PTPRD: variants seen among roughly 807,000 people sequenced by gnomAD.
PTPRD encodes the protein receptor-type tyrosine-protein phosphatase delta.
A neutral mutation model predicts 214.5 loss-of-function variants in PTPRD; 34 were observed. The observed-to-expected ratio is 0.16, with a 90% CI of 0.12 to 0.21. The LOEUF (loss-of-function observed/expected upper bound fraction) is 0.21, where lower values mean the gene tolerates loss of function less well. Among genes scored for constraint, PTPRD ranks in the 10% least tolerant of loss-of-function variants. The pLI, the probability that PTPRD is intolerant of heterozygous loss-of-function variation, is 1.00. For synonymous variants in PTPRD, 1,128 were observed against 845.7 expected (o/e 1.33, Z -5.79); for missense variants, 2,545 against 2,398.7 (o/e 1.06, Z -1.27).
chr9:8,867,089 A>G (rs1024723056), intron 11 of PTPRD, among the ~76,000 whole-genome samples: 1 of 152,172 alleles, frequency 6.6e-6, no homozygotes, highest in Non-Finnish European at 1.5e-5. Flanking sequence ...TGGGAAGGGA[A>G]CAAAAAAATT....
At chr9:10,087,572 A>G (rs1422855028) in intron 3 of PTPRD, among the ~76,000 whole-genome samples, 59 of 151,810 alleles carry the variant, frequency 3.9e-4, no homozygotes, top group Non-Finnish European at 3.5e-4. Flanking sequence ...GGTAACACTA[A>G]GAGACTAATA....
intron 32 of PTPRD, among the ~76,000 whole-genome samples, chr9:8,464,622 G>A (rs1355644562): frequency 2.0e-5 from 3 of 151,730 alleles, no homozygotes; most frequent in Non-Finnish European, 4.4e-5. Context: ...TTTAGACACC[G>A]ATTAGAAAAC....
At position 8,698,456 on chromosome 9, in the gene PTPRD, C is replaced by A. The variant is rs148906576; in HGVS notation, c.64+35324G>T. ...TGTAGCAAGTGTATCTCCTATGATT[C>A]ATGTTACAAATGTAAAGGTGGTGTA... On this transcript the variant is annotated intron_variant, in intron 12 of 45. Transcript: ENST00000381196. Among the ~76,000 whole-genome samples, 377 of 152,292 alleles carry A rather than the reference C, an allele frequency of 2.5e-3. 5 individuals are homozygous for A. Among genetic ancestry groups the A allele is most frequent in the African/African-American group, 8.7e-3 (361 of 41,572 alleles).
intron 12 of PTPRD, among the ~76,000 whole-genome samples, chr9:8,714,559 C>G (rs563964085): frequency 4.6e-5 from 7 of 152,226 alleles, no homozygotes; most frequent in African/African-American, 1.7e-4. Context: ...TCTCCTAATC[C>G]TTTACATTTT....
chr9:8,744,125 T>TA (rs2092481631), intron 11 of PTPRD, among the ~76,000 whole-genome samples: 2 of 152,062 alleles, frequency 1.3e-5, no homozygotes, highest in African/African-American at 2.4e-5. Context: ...ACAATGGTCA[T>TA]AATCGAAAAA....
chr9:10,348,313 A>T (rs1247047942), intron 2 of PTPRD, among the ~76,000 whole-genome samples: 1 of 152,160 alleles, frequency 6.6e-6, no homozygotes, highest in African/African-American at 2.4e-5. Context: ...CTCAATATGA[A>T]ATGTTGTTAT....
chr9:10,559,194 G>C (rs527289752), intron 2 of PTPRD, among the ~76,000 whole-genome samples: 17 of 152,150 alleles, frequency 1.1e-4, no homozygotes, highest in Admixed American at 1.1e-3. Flanking sequence ...AGGATCTGAT[G>C]GAAAAACCTA....
At chr9:8,646,525 G>A (rs563847542) in intron 12 of PTPRD, among the ~76,000 whole-genome samples, 33 of 152,014 alleles carry the variant, frequency 2.2e-4, no homozygotes, top group African/African-American at 7.7e-4. Context: ...CTCAGTACAG[G>A]CTGTTCCCTC....
chr9:9,356,849 C>T (rs1250283601), intron 9 of PTPRD, among the ~76,000 whole-genome samples: 3 of 151,314 alleles, frequency 2.0e-5, no homozygotes, highest in African/African-American at 7.3e-5. Context: ...AAAACATTCC[C>T]TGAATTTCTG....
At chr9:9,880,266 T>C (rs1396046965) in intron 5 of PTPRD, among the ~76,000 whole-genome samples, 1 of 152,186 alleles carries the variant, frequency 6.6e-6, no homozygotes, top group African/African-American at 2.4e-5. Context: ...CATGTGGAAC[T>C]GTGAGTCAAT....
intron 12 of PTPRD, among the ~76,000 whole-genome samples, chr9:8,642,563 C>T (rs1415466805): frequency 6.6e-6 from 1 of 152,102 alleles, no homozygotes; most frequent in African/African-American, 2.4e-5. Context: ...TCTGATCTTT[C>T]TTTCTCTGTA....
chr9:8,778,755 G>A (rs565029741), intron 11 of PTPRD, among the ~76,000 whole-genome samples: 1 of 152,224 alleles, frequency 6.6e-6, no homozygotes, highest in South Asian at 2.1e-4. Context: ...TGTCCACTCT[G>A]AGACCGTGGC....
intron 7 of PTPRD, among the ~76,000 whole-genome samples, chr9:9,691,736 C>A (rs959877872): frequency 1.3e-5 from 2 of 151,972 alleles, no homozygotes; most frequent in Non-Finnish European, 2.9e-5. Context: ...ATTTACATTC[C>A]CACCAATAGT....
chr9:9,845,725 C>G (rs1384873308), intron 5 of PTPRD, among the ~76,000 whole-genome samples: 1 of 151,978 alleles, frequency 6.6e-6, no homozygotes, highest in African/African-American at 2.4e-5. Flanking sequence ...GACGTGAAAT[C>G]AATCATATGA....
intron 11 of PTPRD, among the ~76,000 whole-genome samples, chr9:8,736,303 C>T (rs1565672698): frequency 6.6e-6 from 1 of 152,154 alleles, no homozygotes; most frequent in Non-Finnish European, 1.5e-5. Context: ...AGAGTACACT[C>T]TTAATGAAAA....
chr9:9,523,133 T>G (rs2097029787), intron 8 of PTPRD, among the ~76,000 whole-genome samples: 1 of 152,124 alleles, frequency 6.6e-6, no homozygotes, highest in Non-Finnish European at 1.5e-5. Context: ...ACATAATGAA[T>G]TTTAAGTTTT....
At chr9:8,473,674 A>C (rs897616533) in intron 30 of PTPRD, among the ~76,000 whole-genome samples, 1 of 151,878 alleles carries the variant, frequency 6.6e-6, no homozygotes, top group African/African-American at 2.4e-5. Context: ...TTGAGTTGCC[A>C]TTCTTGTACA....
intron 8 of PTPRD, among the ~76,000 whole-genome samples, chr9:9,509,980 A>C (rs548255264): frequency 6.6e-6 from 1 of 151,686 alleles, no homozygotes; most frequent in South Asian, 2.1e-4. Context: ...AGAGGCCACA[A>C]AGCAAGAAGA....
rs368095015 is a variant in PTPRD, at chr9:9,016,967, G to A, written c.-104+1730C>T. 1.8e-3 allele frequency among the ~76,000 whole-genome samples: 274 copies of A among 151,976 alleles called. 2 individuals are homozygous for A. The highest frequency in any genetic ancestry group is 6.2e-3 in the African/African-American group (256 of 41,456). On this transcript the variant is annotated intron_variant, in intron 11 of 45. Transcript: ENST00000381196. ...TATTTTGGATTTAGAGTCAATGGGC[G>A]TTTTCTCTTTTGCCCCCACAGAGCT...
Sources: allele counts gnomAD v4.1 joint callset (sites outside exome capture counted in the v4.1 genomes callset), GRCh38; gene constraint gnomAD v4.1.1; transcripts MANE v1.5; gene names NCBI Gene and HGNC (gene_info 2026-07-23, HGNC 2026-07-21).